The following PDE8B variants were observed in gnomAD, a reference collection of about 807,000 sequenced individuals.
PDE8B encodes the protein phosphodiesterase 8B.
In PDE8B, 26 loss-of-function variants were observed where a neutral mutation model predicts 101.3. The observed-to-expected ratio is 0.26, with a 90% CI of 0.19 to 0.36. PDE8B has a LOEUF of 0.36. Ranked by LOEUF, PDE8B falls within the 10% of genes least tolerant of loss-of-function variation. The pLI is 1.00. For synonymous variants in PDE8B, 424 were observed against 429.3 expected, an observed-to-expected ratio of 0.99 and a Z score of 0.15; for missense variants, 810 against 1,163.1, an observed-to-expected ratio of 0.70 and a Z score of 4.42.
chr5:77,284,640 A>G (rs1391258770), intron 1 of PDE8B, among the ~76,000 whole-genome samples: 1 of 152,196 alleles, frequency 6.6e-6, no homozygotes, highest in African/African-American at 2.4e-5. Context: ...CCCTTTCTCA[A>G]TCATAGCTCC....
intron 1 of PDE8B, among the ~76,000 whole-genome samples, chr5:77,273,948 G>A (rs1011247219): frequency 1.3e-5 from 2 of 151,660 alleles, no homozygotes; most frequent in African/African-American, 2.4e-5. Flanking sequence ...TCAGCCTCCC[G>A]AGTAGCTAGG....
At chr5:77,368,856 G>A (rs1328260702) in intron 10 of PDE8B, among the ~76,000 whole-genome samples, 1 of 152,048 alleles carries the variant, frequency 6.6e-6, no homozygotes, top group Non-Finnish European at 1.5e-5. Context: ...TCAGATATAT[G>A]GAAACAGAAA....
intron 10 of PDE8B, among the ~76,000 whole-genome samples, chr5:77,390,439 A>T (rs756901063): frequency 6.6e-5 from 10 of 152,188 alleles, no homozygotes; most frequent in Non-Finnish European, 1.2e-4. Context: ...ACATTGCACA[A>T]ACTAAGCACT....
intron 1 of PDE8B, among the ~76,000 whole-genome samples, chr5:77,248,420 A>G (rs1262152083): frequency 6.6e-6 from 1 of 150,622 alleles, no homozygotes; most frequent in East Asian, 2.0e-4. Flanking sequence ...TCAAGAATTA[A>G]GAAACCCCCA....
chr5:77,370,920 A>G (rs1046602824), intron 10 of PDE8B, among the ~76,000 whole-genome samples: 5 of 152,142 alleles, frequency 3.3e-5, no homozygotes, highest in Non-Finnish European at 7.4e-5. Context: ...TTCGTGTGCT[A>G]TTGGTCTTTT....
chr5:77,422,670 A>C (rs1225176773), intron 20 of PDE8B, among the ~76,000 whole-genome samples: 1 of 152,240 alleles, frequency 6.6e-6, no homozygotes, highest in Non-Finnish European at 1.5e-5. Flanking sequence ...TAGACTGTAA[A>C]TGGACATGTG....
chr5:77,253,924 T>C (rs923859791), intron 1 of PDE8B, among the ~76,000 whole-genome samples: 1 of 151,636 alleles, frequency 6.6e-6, no homozygotes, highest in Non-Finnish European at 1.5e-5. Context: ...TATTTATATA[T>C]ATAAATATGT....
the PDE8B span, among the ~76,000 whole-genome samples, chr5:77,199,570 C>T: frequency 3.3e-5 from 5 of 152,138 alleles, no homozygotes; most frequent in Admixed American, 2.6e-4. Flanking sequence ...TCTTTTAGAT[C>T]TCCATGAGAA....
At chr5:77,375,455 A>C (rs1381546752) in intron 10 of PDE8B, among the ~76,000 whole-genome samples, 1 of 152,208 alleles carries the variant, frequency 6.6e-6, no homozygotes, top group Non-Finnish European at 1.5e-5. Context: ...TTGCTGGCAC[A>C]TTTTCAGCAT....
intron 2 of PDE8B, among the ~76,000 whole-genome samples, chr5:77,318,762 G>C (rs10474498): frequency 0.33 from 50,339 of 152,004 alleles, 8,448 homozygotes; most frequent in Middle Eastern, 0.43. Context: ...TATGCAGACA[G>C]AGCTTATGTG....
chr5:77,227,647 T>C (rs895409600), intron 1 of PDE8B, among the ~76,000 whole-genome samples: 4 of 152,090 alleles, frequency 2.6e-5, no homozygotes, highest in African/African-American at 9.7e-5. Flanking sequence ...AGGTGGAGTA[T>C]CTTAACTATG....
chr5:77,411,256 G>A (rs1794510337), intron 14 of PDE8B: 1 of 174,202 alleles, frequency 5.7e-6, no homozygotes, highest in South Asian at 1.6e-4. Context: ...AAATATGGCT[G>A]ATGGCTTCAA....
the PDE8B span, among the ~76,000 whole-genome samples, chr5:77,178,851 G>A: frequency 6.6e-6 from 1 of 152,224 alleles, no homozygotes; most frequent in Non-Finnish European, 1.5e-5. Context: ...GTTGGACCGA[G>A]GGCCCTTGAA....
intron 1 of PDE8B, among the ~76,000 whole-genome samples, chr5:77,304,504 CTTT>C: frequency 6.6e-6 from 1 of 151,564 alleles, no homozygotes; most frequent in Non-Finnish European, 1.5e-5. Context: ...GTGCTCTTTG[CTTT>C]TTTTTGTTTT....
intron 20 of PDE8B, 80 bp downstream of exon 20, chr5:77,422,068 G>T (rs1796763562): frequency 7.0e-7 from 1 of 1,437,788 alleles, no homozygotes; most frequent in African/African-American, 1.4e-5. Context: ...GGATTCTCCA[G>T]CTGAGTAACT....
the PDE8B span, among the ~76,000 whole-genome samples, chr5:77,138,211 G>C: frequency 6.6e-6 from 1 of 151,034 alleles, no homozygotes; most frequent in African/African-American, 2.5e-5. Flanking sequence ...TTGGAGTCCG[G>C]GGGGTGGCTT....
chr5:77,262,187 C>T (rs898691630), intron 1 of PDE8B, among the ~76,000 whole-genome samples: 1 of 148,470 alleles, frequency 6.7e-6, no homozygotes. Context: ...AGTGAGTGTG[C>T]CTGGTAAAAA....
At chr5:77,286,465 C>A (rs1306647664) in intron 1 of PDE8B, among the ~76,000 whole-genome samples, 1 of 152,188 alleles carries the variant, frequency 6.6e-6, no homozygotes, top group Non-Finnish European at 1.5e-5. Context: ...GTGACTGTGG[C>A]CTGCCCTCAT....
At position 77,318,004 on chromosome 5, in the gene PDE8B, C is replaced by T. The variant is rs200989897; in HGVS notation, c.399+5951C>T. The stretch of plus-strand genomic sequence containing the variant: ...CTGGGAGGTGGAGGTTGCAGTGAGC[C>T]AAGATCGCACCATTGCACTCCAGCC... On this transcript the variant is annotated intron_variant, in intron 2 of 21. Coordinates refer to ENST00000264917, the MANE Select transcript of PDE8B (RefSeq NM_003719.5). Among the ~76,000 whole-genome samples the T allele has an allele frequency of 2.6e-4, 33 of 126,084 alleles. No homozygotes were observed. In the East Asian group the frequency reaches 6.9e-3, roughly 26 times the overall value. 82.7% of individuals were successfully genotyped at this position (126,084 alleles called of 152,430 possible). A position where few individuals can be genotyped will look rare whatever the true frequency, so the allele number is the denominator to read the frequency against.
Sources: gnomAD v4.1 joint callset for allele counts (sites outside exome capture counted in the v4.1 genomes callset) on GRCh38, gnomAD v4.1.1 for gene constraint, MANE v1.5 for transcripts, NCBI Gene and HGNC (gene_info 2026-07-23, HGNC 2026-07-21) for gene names.